SUSD1: variants seen among roughly 807,000 people sequenced by gnomAD.
The protein encoded by SUSD1 is sushi domain containing 1, also known as sushi domain-containing protein 1.
Under a neutral mutation model 86.9 loss-of-function variants are expected in SUSD1, and 65 were observed. The ratio of observed to expected loss-of-function variants is 0.75; its 90% CI spans 0.61 to 0.92. SUSD1 has a LOEUF of 0.92. Among genes scored for constraint, SUSD1 ranks in the 40% least tolerant of loss-of-function variants. The pLI is 0.00. For missense variants in SUSD1, 850 were observed against 929.7 expected, an observed-to-expected ratio of 0.91 and a Z score of 1.11; for synonymous variants, 346 against 350.0, an observed-to-expected ratio of 0.99 and a Z score of 0.13.
At chr9:112,070,592 A>G (rs1829226227) in intron 12 of SUSD1, among the ~76,000 whole-genome samples, 1 of 152,182 alleles carries the variant, frequency 6.6e-6, no homozygotes, top group Admixed American at 6.5e-5. Context: ...TGGGAGAGGA[A>G]CCAGAACAGA....
intron 9 of SUSD1, among the ~76,000 whole-genome samples, chr9:112,100,372 G>A (rs1830580894): frequency 6.6e-6 from 1 of 151,998 alleles, no homozygotes; most frequent in Non-Finnish European, 1.5e-5. Flanking sequence ...ATTTTTAGTA[G>A]AGATGGGGTT....
At chr9:112,053,453 G>A (rs1029202321) in intron 14 of SUSD1, among the ~76,000 whole-genome samples, 1 of 136,230 alleles carries the variant, frequency 7.3e-6, no homozygotes, top group African/African-American at 2.8e-5. Flanking sequence ...AGGCGGAGGT[G>A]CAGTGAGCCA....
At chr9:112,162,219 T>C (rs988853244) in intron 1 of SUSD1, among the ~76,000 whole-genome samples, 2 of 152,214 alleles carry the variant, frequency 1.3e-5, no homozygotes, top group African/African-American at 4.8e-5. Context: ...TGATAATATA[T>C]GGTACACAAT....
At position 112,159,199 on chromosome 9, in the gene SUSD1, G is replaced by GTA. The variant is rs535043267; in HGVS notation, c.104-1588_104-1587dup. On this transcript the variant is annotated intron_variant, in intron 1 of 16. Transcript: ENST00000374270. ...AAGAATTTCTACCCAAGGCTATGTG[G>GTA]TATACTGTGTTTCACTCTCAGTGCC... 9.2e-5 allele frequency among the ~76,000 whole-genome samples: 14 copies of GTA among 152,238 alleles called. No individual in the cohort carries two copies. The South Asian group carries it at 2.9e-3, about 32-fold the overall frequency.
intron 12 of SUSD1, among the ~76,000 whole-genome samples, chr9:112,068,699 CAAAAA>C (rs200990357): frequency 0.026 from 2,194 of 84,584 alleles, 45 homozygotes; most frequent in African/African-American, 0.085. Flanking sequence ...GACCCTGTCT[CAAAAA>C]AAAAAAAAAA....
intron 12 of SUSD1, among the ~76,000 whole-genome samples, chr9:112,077,357 G>A (rs934850827): frequency 3.3e-4 from 50 of 152,030 alleles, no homozygotes; most frequent in African/African-American, 1.2e-3. Context: ...GAATCAAGAA[G>A]CTAATATGCT....
At chr9:112,095,422 G>A (rs143522202) in intron 10 of SUSD1, among the ~76,000 whole-genome samples, 52 of 152,286 alleles carry the variant, frequency 3.4e-4, no homozygotes, top group Admixed American at 1.4e-3. Context: ...AAAAGGAAGC[G>A]GGAGCAAGAA....
intron 6 of SUSD1, among the ~76,000 whole-genome samples, chr9:112,114,452 C>T (rs1831229734): frequency 6.6e-6 from 1 of 152,224 alleles, no homozygotes; most frequent in African/African-American, 2.4e-5. Context: ...CACTGCACTC[C>T]AGCCTGGGTG....
intron 5 of SUSD1, among the ~76,000 whole-genome samples, chr9:112,132,826 T>C (rs1832088624): frequency 6.6e-6 from 1 of 152,230 alleles, no homozygotes; most frequent in African/African-American, 2.4e-5. Context: ...GTTTCATGTA[T>C]CTTGCAGCAT....
chr9:112,137,459 G>T (rs1832314759), intron 5 of SUSD1, among the ~76,000 whole-genome samples: 1 of 152,120 alleles, frequency 6.6e-6, no homozygotes, highest in South Asian at 2.1e-4. Context: ...CAATCTAAAT[G>T]GTTTTATATG....
chr9:112,128,060 T>C (rs1831855770), intron 5 of SUSD1, among the ~76,000 whole-genome samples: 1 of 151,650 alleles, frequency 6.6e-6, no homozygotes, highest in South Asian at 2.1e-4. Context: ...GGCCTCAACT[T>C]CAAAAAAACT....
rs1395957535 is a variant in SUSD1, at chr9:112,111,686, G to A, written c.1139C>T (p.Ser380Leu). Residue 380 changes from serine to leucine, a missense_variant, in exon 8 of 17, where the codon TCG (serine) becomes TTG (leucine). Ser to Leu is a moderately radical substitution (Grantham distance 145). Coordinates refer to ENST00000374270, the MANE Select transcript of SUSD1 (RefSeq NM_022486.5). The part of the protein sequence containing the change: ...VNISTAPPRR[S>L]MPAVIGFQTA... ...CTGGAAACCGATGACGGCTGGCATCGAGCGCCTGGGAGGTGCTGTGGAGAT... is the reference window on the plus strand; with the variant it reads ...CTGGAAACCGATGACGGCTGGCATCAAGCGCCTGGGAGGTGCTGTGGAGAT... 5.6e-6 allele frequency: 9 copies of A among 1,613,890 alleles called. No homozygotes were observed. Among genetic ancestry groups the A allele is most frequent in the African/African-American group, 2.7e-5 (2 of 74,910 alleles).
At position 112,149,408 on chromosome 9, in the gene SUSD1, A is replaced by G. The variant is rs375497176; in HGVS notation, c.218-9T>C. 1 of 1,613,594 alleles carries G rather than the reference A, an allele frequency of 6.2e-7. No homozygotes were observed. Among genetic ancestry groups the G allele is most frequent in the South Asian group, 1.1e-5 (1 of 91,034 alleles). Reference sequence around the variant, plus strand: ...CTGGCACTCATTTTTATCTGTTGACACACAGACAAGGCACCGGAAGAGCTA... The same window carrying G: ...CTGGCACTCATTTTTATCTGTTGACGCACAGACAAGGCACCGGAAGAGCTA... On this transcript the variant is annotated splice_polypyrimidine_tract_variant and intron_variant, in intron 2 of 16. Transcript: ENST00000374270.
At chr9:112,170,710 T>TATATATAGAG (rs758442726) in intron 1 of SUSD1, among the ~76,000 whole-genome samples, 488 of 113,788 alleles carry the variant, frequency 4.3e-3, no homozygotes, top group African/African-American at 0.011. Flanking sequence ...TATATATATA[T>TATATATAGAG]AGAGAGAGAG....
chr9:112,111,586 G>A (rs769917292), intron 8 of SUSD1, 68 bp downstream of exon 8: 3 of 1,548,452 alleles, frequency 1.9e-6, no homozygotes, highest in Non-Finnish European at 2.6e-6. Flanking sequence ...AGCTGATTCT[G>A]CAGCATACTT....
intron 5 of SUSD1, among the ~76,000 whole-genome samples, chr9:112,125,588 A>G (rs1422171132): frequency 6.6e-6 from 1 of 152,088 alleles, no homozygotes; most frequent in Non-Finnish European, 1.5e-5. Context: ...AAAAAGAAAG[A>G]AAAAAACTTG....
chr9:112,086,641 G>T (rs868043323), intron 10 of SUSD1, among the ~76,000 whole-genome samples: 1 of 152,084 alleles, frequency 6.6e-6, no homozygotes, highest in African/African-American at 2.4e-5. Flanking sequence ...TCCATGAGTT[G>T]TCAGGTAGTG....
intron 13 of SUSD1, 45 bp downstream of exon 13, chr9:112,062,892 C>G (rs759671500): frequency 8.3e-6 from 11 of 1,326,626 alleles, no homozygotes; most frequent in Admixed American, 3.5e-5. Flanking sequence ...CCAAAACACT[C>G]CATGGGGATC....
intron 9 of SUSD1, among the ~76,000 whole-genome samples, chr9:112,098,960 A>G (rs1471083005): frequency 6.6e-6 from 1 of 152,066 alleles, no homozygotes; most frequent in Non-Finnish European, 1.5e-5. Flanking sequence ...AAGAGATTAC[A>G]TTGGAGCTAA....
Sources: allele counts gnomAD v4.1 joint callset (sites outside exome capture counted in the v4.1 genomes callset), GRCh38; gene constraint gnomAD v4.1.1; transcripts MANE v1.5; gene names NCBI Gene and HGNC (gene_info 2026-07-23, HGNC 2026-07-21).